Variants in TAFA1 observed in about 807,000 individuals in gnomAD.
The protein encoded by TAFA1 is TAFA chemokine like family member 1.
In TAFA1, 4 loss-of-function variants were observed where a neutral mutation model predicts 18.5. The observed-to-expected ratio is 0.22, with a 90% CI of 0.11 to 0.49. The LOEUF is 0.49. Ranked by LOEUF, TAFA1 falls within the 20% of genes least tolerant of loss-of-function variation. TAFA1 has a pLI of 0.98. For missense variants in TAFA1, 147 were observed against 169.0 expected, an observed-to-expected ratio of 0.87 and a Z score of 0.72; for synonymous variants, 56 against 55.2, an observed-to-expected ratio of 1.01 and a Z score of -0.06.
intron 2 of TAFA1, among the ~76,000 whole-genome samples, chr3:68,088,340 G>A (rs762076225): frequency 2.0e-5 from 3 of 152,040 alleles, no homozygotes; most frequent in Non-Finnish European, 4.4e-5. Flanking sequence ...GATCATTTGT[G>A]GTTTTGACAC....
chr3:68,164,974 A>G (rs966171982), intron 2 of TAFA1, among the ~76,000 whole-genome samples: 2 of 152,194 alleles, frequency 1.3e-5, no homozygotes, highest in African/African-American at 4.8e-5. Flanking sequence ...TTTGAAGTCC[A>G]TGAATCCTCT....
At chr3:68,508,773 C>T (rs888620312) in intron 3 of TAFA1, among the ~76,000 whole-genome samples, 3 of 151,870 alleles carry the variant, frequency 2.0e-5, no homozygotes, top group Non-Finnish European at 2.9e-5. Context: ...AAGGTAGATT[C>T]GTAGTGTTGG....
At chr3:68,262,109 T>C (rs1480216768) in intron 2 of TAFA1, among the ~76,000 whole-genome samples, 1 of 151,450 alleles carries the variant, frequency 6.6e-6, no homozygotes, top group African/African-American at 2.4e-5. Flanking sequence ...AATCTCCAAG[T>C]GAACTAAGGG....
At chr3:68,463,466 T>A (rs1350885341) in intron 3 of TAFA1, among the ~76,000 whole-genome samples, 4 of 152,188 alleles carry the variant, frequency 2.6e-5, no homozygotes, top group Non-Finnish European at 4.4e-5. Context: ...TTGACAAGCA[T>A]ATTGGAATTA....
chr3:68,366,704 A>T (rs1224589671), intron 2 of TAFA1, among the ~76,000 whole-genome samples: 1 of 152,228 alleles, frequency 6.6e-6, no homozygotes, highest in Non-Finnish European at 1.5e-5. Context: ...TTTTCTAAGC[A>T]TAAATTTTCT....
chr3:68,404,913 A>G (rs1285154049), intron 2 of TAFA1, among the ~76,000 whole-genome samples: 1 of 151,946 alleles, frequency 6.6e-6, no homozygotes, highest in Non-Finnish European at 1.5e-5. Context: ...TTTTACAGCC[A>G]CTTCTTCCTT....
chr3:68,195,054 C>T (rs932875804), intron 2 of TAFA1, among the ~76,000 whole-genome samples: 3 of 151,524 alleles, frequency 2.0e-5, no homozygotes, highest in Non-Finnish European at 4.4e-5. Flanking sequence ...TCCTCACATG[C>T]TGCTTCAGTG....
intron 3 of TAFA1, among the ~76,000 whole-genome samples, chr3:68,448,593 G>A (rs78861170): frequency 0.045 from 6,828 of 152,010 alleles, 214 homozygotes; most frequent in East Asian, 0.094. Flanking sequence ...AAGGTTAATG[G>A]AAGGAAAGAG....
At chr3:68,314,877 T>G (rs2068582119) in intron 2 of TAFA1, among the ~76,000 whole-genome samples, 3 of 150,628 alleles carry the variant, frequency 2.0e-5, no homozygotes, top group Admixed American at 1.3e-4. Context: ...TAGTTATTCT[T>G]CGGTCATAAG....
At chr3:68,156,806 A>T (rs780817357) in intron 2 of TAFA1, among the ~76,000 whole-genome samples, 7 of 151,484 alleles carry the variant, frequency 4.6e-5, no homozygotes, top group African/African-American at 7.3e-5. Context: ...TACTAGCTTT[A>T]ATTAATGCCA....
intron 2 of TAFA1, among the ~76,000 whole-genome samples, chr3:68,300,747 C>T (rs1042074448): frequency 3.3e-5 from 5 of 151,850 alleles, no homozygotes; most frequent in Admixed American, 6.5e-5. Context: ...GGTGCAGTTT[C>T]CTCCATGCTG....
chr3:68,052,595 G>A (rs887942496), intron 2 of TAFA1, among the ~76,000 whole-genome samples: 6 of 152,132 alleles, frequency 3.9e-5, no homozygotes, highest in South Asian at 2.1e-4. Flanking sequence ...ACTGAAGCTA[G>A]GTATGTCCCC....
At chr3:68,084,423 G>C (rs1376346831) in intron 2 of TAFA1, among the ~76,000 whole-genome samples, 4 of 152,108 alleles carry the variant, frequency 2.6e-5, no homozygotes, top group Non-Finnish European at 5.9e-5. Context: ...GTGCTTGGAA[G>C]ATCAGTCCAA....
At chr3:68,261,384 A>T (rs1575721867) in intron 2 of TAFA1, among the ~76,000 whole-genome samples, 1 of 152,174 alleles carries the variant, frequency 6.6e-6, no homozygotes, top group African/African-American at 2.4e-5. Context: ...AGAACTAGAA[A>T]TACCATTTGA....
At chr3:67,999,953 T>C (rs903106844), upstream of TAFA1, among the ~76,000 whole-genome samples, 1 of 152,120 alleles carries the variant, frequency 6.6e-6, no homozygotes, top group African/African-American at 2.4e-5. Context: ...CATACCCAGA[T>C]AATTTTCATA....
intron 3 of TAFA1, among the ~76,000 whole-genome samples, chr3:68,428,006 C>T (rs1259948237): frequency 6.6e-6 from 1 of 151,964 alleles, no homozygotes; most frequent in African/African-American, 2.4e-5. Context: ...TTCATTTATA[C>T]ATTACCCAGT....
intron 2 of TAFA1, among the ~76,000 whole-genome samples, chr3:68,294,672 C>A (rs753865843): frequency 2.6e-5 from 4 of 152,000 alleles, no homozygotes; most frequent in Non-Finnish European, 4.4e-5. Context: ...ATGACTTGAG[C>A]CCAGGAGTTC....
intron 3 of TAFA1, among the ~76,000 whole-genome samples, chr3:68,507,556 A>G (rs1490170466): frequency 1.3e-5 from 2 of 152,092 alleles, no homozygotes; most frequent in Non-Finnish European, 2.9e-5. Flanking sequence ...TGCAATGAAG[A>G]AACAGGTATT....
At chr3:68,215,703 G>A (rs1178795786) in intron 2 of TAFA1, among the ~76,000 whole-genome samples, 2 of 152,072 alleles carry the variant, frequency 1.3e-5, no homozygotes, top group Non-Finnish European at 1.5e-5. Flanking sequence ...GGACCTCATT[G>A]TTGATGGAAA....
Sources: gnomAD v4.1 joint callset for allele counts (sites outside exome capture counted in the v4.1 genomes callset) on GRCh38, gnomAD v4.1.1 for gene constraint, MANE v1.5 for transcripts, NCBI Gene and HGNC (gene_info 2026-07-23, HGNC 2026-07-21) for gene names.